The following ZNF521 variants were observed in gnomAD, a reference collection of about 807,000 sequenced individuals.
ZNF521 encodes zinc finger protein 521.
A neutral mutation model predicts 105.5 loss-of-function variants in ZNF521; 14 were observed. The ratio of observed to expected loss-of-function variants is 0.13; its 90% CI spans 0.09 to 0.21. The LOEUF (loss-of-function observed/expected upper bound fraction) is 0.21. ZNF521 is among the 10% of genes least tolerant of loss of function. ZNF521 has a pLI of 1.00. For synonymous variants in ZNF521, 635 were observed against 606.0 expected, an observed-to-expected ratio of 1.05 and a Z score of -0.70; for missense variants, 1,233 against 1,629.7, an observed-to-expected ratio of 0.76 and a Z score of 4.19.
At chr18:25,064,794 C>T (rs2033010216) in intron 7 of ZNF521, among the ~76,000 whole-genome samples, 1 of 152,178 alleles carries the variant, frequency 6.6e-6, no homozygotes, top group Admixed American at 6.5e-5. Context: ...TTCCTTGTTC[C>T]ATTTCAAATT....
rs34529787 is a variant in ZNF521, at chr18:25,294,853, CAAAAAAAAAAAAAAAA to C, written c.220+27139_220+27154del. On this transcript the variant is annotated intron_variant, in intron 3 of 7. Transcript: ENST00000361524. ...CTGGCGACAGAGCAAGATTCTGTCT[CAAAAAAAAAAAAAAAA>C]AAAAAAAAAAAAGGAGCAGGTTTGG... Among the ~76,000 whole-genome samples the C allele has an allele frequency of 6.0e-3, 360 of 59,558 alleles. 1 individual carries two copies. The highest frequency in any genetic ancestry group is 0.026 in the African/African-American group (345 of 13,134). 39.1% of individuals were successfully genotyped at this position (59,558 alleles called of 152,430 possible). A position where few individuals can be genotyped will look rare whatever the true frequency, so the allele number is the denominator to read the frequency against.
At chr18:25,205,454 T>C (rs2036064180) in intron 4 of ZNF521, among the ~76,000 whole-genome samples, 1 of 152,188 alleles carries the variant, frequency 6.6e-6, no homozygotes, top group South Asian at 2.1e-4. Flanking sequence ...TAGGGCCTAT[T>C]TTCCTCATCA....
intron 7 of ZNF521, among the ~76,000 whole-genome samples, chr18:25,076,508 T>C (rs964941843): frequency 1.3e-5 from 2 of 152,252 alleles, no homozygotes; most frequent in Non-Finnish European, 2.9e-5. Flanking sequence ...TGTTTTATAG[T>C]GCTGGAAGCT....
At chr18:25,316,535 C>A (rs1043665654) in intron 3 of ZNF521, among the ~76,000 whole-genome samples, 1 of 151,964 alleles carries the variant, frequency 6.6e-6, no homozygotes, top group African/African-American at 2.4e-5. Flanking sequence ...AGGCTTTAAC[C>A]AAGCAAGAAA....
chr18:25,303,554 C>T (rs1191006765), intron 3 of ZNF521, among the ~76,000 whole-genome samples: 1 of 152,068 alleles, frequency 6.6e-6, no homozygotes, highest in Non-Finnish European at 1.5e-5. Flanking sequence ...TCTCGGCCTC[C>T]CAAAGTGCTG....
intron 3 of ZNF521, among the ~76,000 whole-genome samples, chr18:25,267,644 G>A (rs555278125): frequency 2.0e-4 from 30 of 152,264 alleles, no homozygotes; most frequent in Admixed American, 1.3e-3. Flanking sequence ...ACAGGGTCTG[G>A]AGCGGACCTA....
intron 3 of ZNF521, among the ~76,000 whole-genome samples, chr18:25,260,681 G>A (rs1038146432): frequency 3.3e-5 from 5 of 151,940 alleles, no homozygotes; most frequent in African/African-American, 1.2e-4. Flanking sequence ...AAAAAGCAGT[G>A]GATTTCCTAC....
chr18:25,234,634 T>G (rs1906758558), intron 3 of ZNF521, among the ~76,000 whole-genome samples: 1 of 152,202 alleles, frequency 6.6e-6, no homozygotes, highest in African/African-American at 2.4e-5. Flanking sequence ...AGGAGTTTTC[T>G]GTACTGCTAA....
chr18:25,072,117 T>C (rs1015242842), intron 7 of ZNF521, among the ~76,000 whole-genome samples: 1 of 152,172 alleles, frequency 6.6e-6, no homozygotes, highest in Admixed American at 6.5e-5. Flanking sequence ...TTTGCTATTT[T>C]CTGCAATATC....
chr18:25,213,356 T>C (rs2036226915), intron 4 of ZNF521, among the ~76,000 whole-genome samples: 1 of 151,576 alleles, frequency 6.6e-6, no homozygotes, highest in Non-Finnish European at 1.5e-5. Flanking sequence ...TCTTTTTTGA[T>C]CATGAAAATA....
At chr18:25,305,249 T>A (rs1911910274) in intron 3 of ZNF521, among the ~76,000 whole-genome samples, 1 of 152,234 alleles carries the variant, frequency 6.6e-6, no homozygotes, top group Non-Finnish European at 1.5e-5. Context: ...GAGGTATCAA[T>A]ATTTTTCATT....
At chr18:25,179,077 A>AATGTAATTCTT (rs2035581875) in intron 5 of ZNF521, among the ~76,000 whole-genome samples, 1 of 132,040 alleles carries the variant, frequency 7.6e-6, no homozygotes, top group South Asian at 2.5e-4. Context: ...AACCCTTTGA[A>AATGTAATTCTT]ATGTATTTCT....
rs9955970 is a variant in ZNF521, at chr18:25,093,516, C to G, written c.3659-1435G>C. ...CCAGCTGATATTACTGGTAATACCACGTCCCAATTACAAAGTGAGTAATTA... is the reference window on the plus strand; with the variant it reads ...CCAGCTGATATTACTGGTAATACCAGGTCCCAATTACAAAGTGAGTAATTA... On this transcript the variant is annotated intron_variant, in intron 5 of 7. Transcript: ENST00000361524. Among the ~76,000 whole-genome samples, 1,227 of 152,284 alleles carry G rather than the reference C, an allele frequency of 8.1e-3. 18 individuals carry two copies. Among genetic ancestry groups the G allele is most frequent in the African/African-American group, 0.027 (1,111 of 41,552 alleles).
chr18:25,110,481 G>T (rs1255997568), intron 5 of ZNF521, among the ~76,000 whole-genome samples: 1 of 151,784 alleles, frequency 6.6e-6, no homozygotes, highest in Admixed American at 6.6e-5. Context: ...GAGAGAGGGA[G>T]GGAAGAGACA....
chr18:25,313,722 T>C (rs1474391314), intron 3 of ZNF521, among the ~76,000 whole-genome samples: 3 of 152,242 alleles, frequency 2.0e-5, no homozygotes, highest in African/African-American at 7.2e-5. Context: ...TTAATTTCTG[T>C]TTTTGTGAAT....
intron 3 of ZNF521, among the ~76,000 whole-genome samples, chr18:25,254,483 T>C (rs1908337649): frequency 1.3e-5 from 2 of 152,148 alleles, no homozygotes; most frequent in Admixed American, 1.3e-4. Flanking sequence ...CCTAATATCT[T>C]TTAAAATCAA....
chr18:25,292,729 A>G (rs1453715892), intron 3 of ZNF521, among the ~76,000 whole-genome samples: 1 of 152,230 alleles, frequency 6.6e-6, no homozygotes, highest in Non-Finnish European at 1.5e-5. Context: ...GAAATCTTGA[A>G]CAAGCTACAA....
chr18:25,296,080 C>T (rs1167296627), intron 3 of ZNF521, among the ~76,000 whole-genome samples: 2 of 152,140 alleles, frequency 1.3e-5, no homozygotes, highest in African/African-American at 2.4e-5. Context: ...TGAAGGTATG[C>T]CCTTCTATTC....
chr18:25,225,040 T>C lies in ZNF521; in HGVS notation c.2878A>G (p.Met960Val). Residue 960 changes from methionine to valine, a missense_variant, in exon 4 of 8, where the codon ATG becomes GTG. By Grantham distance (21) the Met-to-Val change is conservative. Coordinates refer to ENST00000361524, the MANE Select transcript of ZNF521 (RefSeq NM_015461.3). This position sits in a 1 kb window ranked among gnomAD's most constrained non-coding sequence, Gnocchi z 5.6. ...AACCGCTCTCCGCAAATAGGGCACA[T>C]GTAGTGTTTGACAGGGCCTAGGTGG... Reference protein sequence around the residue: ...QTHLGPVKHYMCPICGERFPS... With the variant: ...QTHLGPVKHYVCPICGERFPS... The C allele has an allele frequency of 6.2e-7, 1 of 1,614,134 alleles. No homozygotes were observed. Among genetic ancestry groups the C allele is most frequent in the Non-Finnish European group, 8.5e-7 (1 of 1,180,008 alleles).
Sources: allele counts gnomAD v4.1 joint callset (sites outside exome capture counted in the v4.1 genomes callset), GRCh38; gene constraint gnomAD v4.1.1; non-coding constraint Gnocchi (gnomAD v3.1); transcripts MANE v1.5; gene names NCBI Gene and HGNC (gene_info 2026-07-23, HGNC 2026-07-21).